Variants in OMA1 observed in about 807,000 individuals in gnomAD.
The protein encoded by OMA1 is OMA1 zinc metallopeptidase.
In OMA1, 38 loss-of-function variants were observed where a neutral mutation model predicts 30.9. That is an observed-to-expected ratio of 1.23 (90% confidence interval 0.95 to 1.61). OMA1 has a LOEUF of 1.61. OMA1 is among the 40% of genes most tolerant of loss of function. OMA1 has a pLI of 0.00. For synonymous variants in OMA1, 173 were observed against 121.9 expected, an observed-to-expected ratio of 1.42 and a Z score of -2.76; for missense variants, 461 against 349.2, an observed-to-expected ratio of 1.32 and a Z score of -2.55.
chr1:58,542,246 T>A (rs1346176055), intron 1 of OMA1, among the ~76,000 whole-genome samples: 1 of 152,254 alleles, frequency 6.6e-6, no homozygotes, highest in African/African-American at 2.4e-5. Flanking sequence ...CAAGATACTT[T>A]GTTTTTACTT....
chr1:58,492,600 C>T (rs1406707842), intron 8 of OMA1, among the ~76,000 whole-genome samples: 1 of 152,152 alleles, frequency 6.6e-6, no homozygotes, highest in Non-Finnish European at 1.5e-5. Context: ...ACCGATCCCA[C>T]AGAAATACAA....
chr1:58,524,458 G>C (rs1646318110), intron 7 of OMA1, among the ~76,000 whole-genome samples: 1 of 152,046 alleles, frequency 6.6e-6, no homozygotes, highest in South Asian at 2.1e-4. Flanking sequence ...GCTTTTTCTT[G>C]AATCATATTA....
chr1:58,531,104 A>G lies in OMA1; in HGVS notation c.1012-375T>C, dbSNP rs1646427967. ...GCCCAGATTTGCACAGCTATTACTA[A>G]AAGGACCAGAAATCAAACCCGGTCA... is the stretch of plus-strand genomic sequence containing the variant. On this transcript the variant is annotated intron_variant, in intron 5 of 8. Coordinates refer to ENST00000371226, the MANE Select transcript of OMA1 (RefSeq NM_145243.5). Among the ~76,000 whole-genome samples, 5 of 152,232 alleles carry G rather than the reference A, an allele frequency of 3.3e-5. 1 individual carries two copies. In the South Asian group the frequency reaches 1.0e-3, roughly 32 times the overall value.
At chr1:58,519,843 T>A (rs1646233577) in intron 7 of OMA1, among the ~76,000 whole-genome samples, 4 of 151,950 alleles carry the variant, frequency 2.6e-5, no homozygotes, top group Admixed American at 2.6e-4. Context: ...TAAAAGAGCA[T>A]CAAAGGGATA....
At chr1:58,529,792 C>T (rs1646405269) in intron 6 of OMA1, among the ~76,000 whole-genome samples, 1 of 152,136 alleles carries the variant, frequency 6.6e-6, no homozygotes, top group Non-Finnish European at 1.5e-5. Context: ...ATTTACATAG[C>T]ATTTACATTG....
At chr1:58,539,441 A>G (rs1646569055) in intron 1 of OMA1, 131 bp from the exon 2 acceptor site, 1 of 602,612 alleles carries the variant, frequency 1.7e-6, no homozygotes, top group African/African-American at 1.9e-5. Flanking sequence ...TTGGGTTTCA[A>G]CTCATCACCC....
chr1:58,500,050 C>A (rs1253262503), intron 8 of OMA1, among the ~76,000 whole-genome samples: 1 of 152,116 alleles, frequency 6.6e-6, no homozygotes, highest in African/African-American at 2.4e-5. Flanking sequence ...CAAGACATTT[C>A]AAGAGGGAAA....
chr1:58,485,255 A>AAAAAAAAAAAAAAAAAG (rs1278777616), intron 8 of OMA1, among the ~76,000 whole-genome samples: 1 of 150,082 alleles, frequency 6.7e-6, no homozygotes, highest in Non-Finnish European at 1.5e-5. Context: ...AAAAAAAAAA[A>AAAAAAAAAAAAAAAAAG]AGCTGGCCTG....
intron 8 of OMA1, among the ~76,000 whole-genome samples, chr1:58,495,210 A>T (rs975999266): frequency 2.0e-5 from 3 of 152,172 alleles, no homozygotes; most frequent in African/African-American, 7.2e-5. Flanking sequence ...ATAGGTGGGA[A>T]CAGAACAATG....
At chr1:58,485,692 ATATATCT>A (rs1645565236) in intron 8 of OMA1, among the ~76,000 whole-genome samples, 1 of 151,948 alleles carries the variant, frequency 6.6e-6, no homozygotes, top group Admixed American at 6.6e-5. Flanking sequence ...ATCTTATTAA[ATATATCT>A]TCATCTCTTC....
intron 8 of OMA1, among the ~76,000 whole-genome samples, chr1:58,490,624 C>A (rs1645664338): frequency 6.6e-6 from 1 of 151,840 alleles, no homozygotes; most frequent in South Asian, 2.1e-4. Flanking sequence ...AAGAGCAACT[C>A]CAAGACACAT....
At chr1:58,512,901 C>T (rs1646102777) in intron 7 of OMA1, among the ~76,000 whole-genome samples, 1 of 148,488 alleles carries the variant, frequency 6.7e-6, no homozygotes, top group Non-Finnish European at 1.5e-5. Flanking sequence ...GTTAAATGTA[C>T]TTACTAAAAA....
intron 7 of OMA1, among the ~76,000 whole-genome samples, chr1:58,508,920 A>T (rs1646031003): frequency 6.6e-6 from 1 of 152,098 alleles, no homozygotes. Flanking sequence ...CTTCTGTCTC[A>T]TCTGTCTTGT....
chr1:58,505,418 T>C (rs1423971500), intron 8 of OMA1, among the ~76,000 whole-genome samples: 2 of 152,154 alleles, frequency 1.3e-5, no homozygotes, highest in Non-Finnish European at 2.9e-5. Flanking sequence ...TTTGTCCTGA[T>C]ATGGAAACCA....
At position 58,518,281 on chromosome 1, in the gene OMA1, A is replaced by AGG. The variant is rs1557450254; in HGVS notation, c.1215+8979_1215+8980insCC. Reference sequence around the variant, plus strand: ...GAGGGGAGAGGAGAGAGGAGAGGAGAAGAGAAGAGAAGAGAAGAGAAGAGA... The same window carrying AGG: ...GAGGGGAGAGGAGAGAGGAGAGGAGAGGAGAGAAGAGAAGAGAAGAGAAGAGA... On this transcript the variant is annotated intron_variant, in intron 7 of 8. Transcript: ENST00000371226. Among the ~76,000 whole-genome samples, 40 of 5,914 alleles carry AGG rather than the reference A, an allele frequency of 6.8e-3. 2 individuals carry two copies. The highest frequency in any genetic ancestry group is 9.9e-3 in the Non-Finnish European group (30 of 3,038). 3.9% of individuals were successfully genotyped at this position (5,914 alleles called of 152,430 possible). A position where few individuals can be genotyped will look rare whatever the true frequency, so the allele number is the denominator to read the frequency against.
At chr1:58,542,990 TA>T (rs1553126248) in intron 1 of OMA1, among the ~76,000 whole-genome samples, 7 of 145,278 alleles carry the variant, frequency 4.8e-5, no homozygotes, top group East Asian at 4.0e-4. Flanking sequence ...AAAGCTTTTT[TA>T]AAAAAAAAAA....
At chr1:58,509,761 A>G (rs1372544154) in intron 7 of OMA1, among the ~76,000 whole-genome samples, 1 of 151,898 alleles carries the variant, frequency 6.6e-6, no homozygotes. Context: ...AGAGTAAGAA[A>G]AAAAAAGACT....
chr1:58,529,652 AC>A (rs1177229645), intron 6 of OMA1, among the ~76,000 whole-genome samples: 2 of 152,162 alleles, frequency 1.3e-5, no homozygotes, highest in African/African-American at 2.4e-5. Flanking sequence ...CCGCATTAAA[AC>A]CCAAATACAG....
intron 7 of OMA1, among the ~76,000 whole-genome samples, chr1:58,524,151 C>G (rs758491848): frequency 6.6e-6 from 1 of 152,224 alleles, no homozygotes; most frequent in Non-Finnish European, 1.5e-5. Flanking sequence ...CATATCCCTT[C>G]TGCCTTAAAT....
Sources: allele counts gnomAD v4.1 joint callset (sites outside exome capture counted in the v4.1 genomes callset), GRCh38; gene constraint gnomAD v4.1.1; transcripts MANE v1.5; gene names NCBI Gene and HGNC (gene_info 2026-07-23, HGNC 2026-07-21).